Variants in PAPOLA observed in about 807,000 individuals in gnomAD.
The protein encoded by PAPOLA is poly(A) polymerase alpha.
Under a neutral mutation model 100.6 loss-of-function variants are expected in PAPOLA, and 15 were observed. The ratio of observed to expected loss-of-function variants is 0.15; its 90% CI spans 0.10 to 0.23. The LOEUF is 0.23. Ranked by LOEUF, PAPOLA falls within the 10% of genes least tolerant of loss-of-function variation. The pLI is 1.00. For missense variants in PAPOLA, 533 were observed against 884.2 expected (o/e 0.60, Z 5.04); for synonymous variants, 293 against 300.0 (o/e 0.98, Z 0.24).
At chr14:96,508,268 T>A (rs1896871572) in intron 1 of PAPOLA, among the ~76,000 whole-genome samples, 1 of 152,208 alleles carries the variant, frequency 6.6e-6, no homozygotes, top group Admixed American at 6.5e-5. Flanking sequence ...TTTGTTGTTG[T>A]CAGTGAAAAA....
intron 7 of PAPOLA, chr14:96,532,074 G>A (rs1256199182): frequency 3.3e-5 from 42 of 1,279,834 alleles, no homozygotes; most frequent in Non-Finnish European, 4.1e-5. Flanking sequence ...TCAAATTGGG[G>A]CAGGTTACAG....
Position 96,502,496 on chromosome 14 carries a change from G to GC in PAPOLA, c.-89dup, listed in dbSNP as rs376135159. ...GGGGTTGGACCCAGGGCTGAGGCAG[G>GC]CCCCCCCCTCCCTCCCGCCTCAGTG... On this transcript the variant is annotated 5_prime_UTR_variant, in exon 1 of 22. Coordinates refer to ENST00000216277, the MANE Select transcript of PAPOLA (RefSeq NM_032632.5). The GC allele has an allele frequency of 5.2e-3, 4,994 of 957,804 alleles. 99 individuals are homozygous for GC. The Admixed American group carries it at 0.055, about 11-fold the overall frequency. The allele number at this position is 957,804 out of a possible 1,614,324, so 59.3% of individuals were successfully genotyped here.
intron 1 of PAPOLA, 126 bp downstream of exon 1, chr14:96,502,726 C>T (rs1284636498): frequency 2.9e-5 from 31 of 1,051,222 alleles, no homozygotes; most frequent in Admixed American, 2.5e-4. Flanking sequence ...AGGAGGCAGG[C>T]AGGACTGGGG....
chr14:96,503,332 C>T (rs1595485933), intron 1 of PAPOLA, among the ~76,000 whole-genome samples: 1 of 152,066 alleles, frequency 6.6e-6, no homozygotes, highest in Non-Finnish European at 1.5e-5. Context: ...CTGTTTCCTT[C>T]TTTCTCTATC....
In PAPOLA at chr14:96,532,521, C is replaced by G; in HGVS notation, c.708C>G (p.Ile236Met). ...AIKLWAKRHNIYSNILGFLGG... is the reference protein window; with the variant it reads ...AIKLWAKRHNMYSNILGFLGG... ...TTCCCTTATCAACAGGCCACAACAT[C>G]TATTCCAATATATTAGGTTTCCTCG... The change falls in exon 9 of 22, where the codon ATC (isoleucine) becomes ATG (methionine). Residue 236 changes from isoleucine (I) to methionine (M), a missense_variant. Physicochemically the swap from Ile to Met is conservative, Grantham distance 10. Transcript: ENST00000216277. 1.9e-6 allele frequency: 3 copies of G among 1,609,032 alleles called. No individual in the cohort carries two copies. The highest frequency in any genetic ancestry group is 8.5e-7 in the Non-Finnish European group (1 of 1,178,572).
Position 96,562,810 on chromosome 14 carries a change from G to T in PAPOLA, c.2068-9G>T. 1 of 1,576,452 alleles carries T rather than the reference G, an allele frequency of 6.3e-7. No individual in the cohort carries two copies. Among genetic ancestry groups the T allele is most frequent in the South Asian group, 1.1e-5 (1 of 88,640 alleles). On this transcript the variant is annotated splice_polypyrimidine_tract_variant and intron_variant, in intron 20 of 21. Coordinates refer to ENST00000216277, the MANE Select transcript of PAPOLA (RefSeq NM_032632.5). Reference sequence around the variant, plus strand: ...CTTTTCCCCCTTCCCCATCCTCTTTGTCTCACAGGAACAACTTGATACAGA... The same window carrying T: ...CTTTTCCCCCTTCCCCATCCTCTTTTTCTCACAGGAACAACTTGATACAGA...
intron 1 of PAPOLA, among the ~76,000 whole-genome samples, chr14:96,517,698 CTTTTTTTTTT>C (rs774296764): frequency 8.2e-6 from 1 of 121,870 alleles, no homozygotes; most frequent in Non-Finnish European, 1.8e-5. Flanking sequence ...TCAGCAAATG[CTTTTTTTTTT>C]TTTTTTTTTT....
At chr14:96,549,251 T>A (rs1325789800) in intron 16 of PAPOLA, among the ~76,000 whole-genome samples, 1 of 146,886 alleles carries the variant, frequency 6.8e-6, no homozygotes, top group Non-Finnish European at 1.5e-5. Flanking sequence ...TTATTCTAAT[T>A]TTTTTTTTTT....
At position 96,566,731 on chromosome 14, in the gene PAPOLA, T is replaced by G. The variant is rs567819709; in HGVS notation, c.*1681T>G. ...TTCCACCACCGAAGAAAAAAGATGG[T>G]CATACTAACAGGTGAAATGTACAAG... On this transcript the variant is annotated 3_prime_UTR_variant, in exon 22 of 22. Transcript: ENST00000216277. 1 of 152,618 alleles carries G rather than the reference T, an allele frequency of 6.6e-6. No homozygotes were observed. Among genetic ancestry groups the G allele is most frequent in the East Asian group, 1.9e-4 (1 of 5,180 alleles). 9.5% of individuals were successfully genotyped at this position (152,618 alleles called of 1,614,324 possible).
Position 96,552,512 on chromosome 14 carries a change from C to G in PAPOLA, c.1554C>G (p.Leu518=). The G allele has an allele frequency of 1.2e-6, 2 of 1,613,784 alleles. No homozygotes were observed. Among genetic ancestry groups the G allele is most frequent in the Non-Finnish European group, 8.5e-7 (1 of 1,179,682 alleles). The change falls in exon 17 of 22, where the codon CTC becomes CTG. Residue 518 remains leucine, a synonymous_variant. Coordinates refer to ENST00000216277, the MANE Select transcript of PAPOLA (RefSeq NM_032632.5). ...HSTEGVKLTA[L]NDSSLDLSMD... is the part of the protein sequence containing the mutation. ...CAGAAGGTGTCAAATTGACAGCTCTCAATGACAGCAGCCTCGACTTGTCTA... is the reference window on the plus strand; with the variant it reads ...CAGAAGGTGTCAAATTGACAGCTCTGAATGACAGCAGCCTCGACTTGTCTA...
At chr14:96,537,093 T>G in intron 12 of PAPOLA, 33 bp downstream of exon 12, 1 of 1,132,098 alleles carries the variant, frequency 8.8e-7, no homozygotes, top group Non-Finnish European at 1.3e-6. Flanking sequence ...GACATGTTGC[T>G]CTCTTAAGTA....
chr14:96,540,453 T>C (rs1899890374), intron 12 of PAPOLA, among the ~76,000 whole-genome samples: 1 of 152,094 alleles, frequency 6.6e-6, no homozygotes, highest in South Asian at 2.1e-4. Flanking sequence ...TTTTAATGTT[T>C]TAGGGACCTA....
chr14:96,551,016 A>G (rs957282557), intron 16 of PAPOLA, among the ~76,000 whole-genome samples: 15 of 152,186 alleles, frequency 9.9e-5, no homozygotes, highest in African/African-American at 3.1e-4. Flanking sequence ...CCTAGGTCTG[A>G]CTGCAAAGTA....
At chr14:96,511,282 G>A (rs996342044) in intron 1 of PAPOLA, among the ~76,000 whole-genome samples, 2 of 152,080 alleles carry the variant, frequency 1.3e-5, no homozygotes, top group African/African-American at 2.4e-5. Context: ...AGACACAGGC[G>A]GGCTGTGGTG....
At chr14:96,526,178 T>G (rs957667245) in intron 4 of PAPOLA, 7 of 152,250 alleles carry the variant, frequency 4.6e-5, no homozygotes, top group Admixed American at 2.0e-4. Flanking sequence ...TTATTGAGCT[T>G]CTTTTCTTTC....
intron 19 of PAPOLA, among the ~76,000 whole-genome samples, chr14:96,557,985 A>T (rs937273179): frequency 6.6e-6 from 1 of 151,956 alleles, no homozygotes; most frequent in Admixed American, 6.6e-5. Flanking sequence ...TTTTTGATCC[A>T]TGGTTGGTTG....
At chr14:96,527,816 A>G in intron 5 of PAPOLA, 137 bp from the exon 6 acceptor site, 2 of 716,008 alleles carry the variant, frequency 2.8e-6, no homozygotes, top group South Asian at 1.6e-5. Flanking sequence ...TTGAACCTTG[A>G]TTTCTGATCT....
intron 19 of PAPOLA, among the ~76,000 whole-genome samples, chr14:96,557,704 A>T (rs1326614281): frequency 1.4e-5 from 2 of 145,652 alleles, no homozygotes; most frequent in African/African-American, 5.1e-5. Context: ...AAATTATTTT[A>T]TTATTTTATT....
At chr14:96,560,528 C>T (rs1352625542) in intron 19 of PAPOLA, 121 bp from the exon 20 acceptor site, 4 of 678,810 alleles carry the variant, frequency 5.9e-6, no homozygotes, top group South Asian at 5.3e-5. Context: ...TATTTTAAGG[C>T]TGTAGTTGAT....
Sources: allele counts gnomAD v4.1 joint callset (sites outside exome capture counted in the v4.1 genomes callset), GRCh38; gene constraint gnomAD v4.1.1; transcripts MANE v1.5; gene names NCBI Gene and HGNC (gene_info 2026-07-23, HGNC 2026-07-21).